Variants in FAM234A observed in about 807,000 individuals in gnomAD.
FAM234A encodes protein FAM234A.
FAM234A carries 42 observed loss-of-function variants against 49.1 expected under a neutral mutation model. That is an observed-to-expected ratio of 0.86 (90% CI 0.67 to 1.11). The LOEUF (loss-of-function observed/expected upper bound fraction) is 1.11, where lower values mean the gene tolerates loss of function less well. Ranked by LOEUF, FAM234A falls within the 50% of genes least tolerant of loss-of-function variation. FAM234A has a pLI of 0.00. For missense variants in FAM234A, 815 were observed against 745.2 expected (o/e 1.09, Z -1.09); for synonymous variants, 369 against 316.2 (o/e 1.17, Z -1.77).
In FAM234A at chr16:264,654, C is replaced by T. The variant is rs769091534; in HGVS notation, c.1385C>T (p.Pro462Leu). The change falls in exon 12 of 13, where the codon CCC becomes CTC. Residue 462 changes from proline (P) to leucine (L), a missense_variant. Physicochemically the swap from Pro to Leu is moderately conservative, Grantham distance 98. Coordinates refer to ENST00000399932, the MANE Select transcript of FAM234A (RefSeq NM_032039.4). ...CGGCACAGCCTGTACATGTTCCACC[C>T]CACCCTGCCGCGCGTGCTGCTGGAG... ...EARHSLYMFH[P>L]TLPRVLLELA... 3 of 1,611,968 alleles carry T rather than the reference C, an allele frequency of 1.9e-6. No individual in the cohort carries two copies. Among genetic ancestry groups the T allele is most frequent in the Middle Eastern group, 1.7e-4 (1 of 6,060 alleles).
intron 1 of FAM234A, among the ~76,000 whole-genome samples, chr16:237,071 A>ATT (rs35756138): frequency 6.7e-6 from 1 of 149,494 alleles, no homozygotes; most frequent in African/African-American, 2.5e-5. Context: ...TTATTTATGT[A>ATT]TTTTTTTAAA....
downstream of FAM234A, among the ~76,000 whole-genome samples, chr16:267,006 G>A (rs142762626): frequency 3.9e-5 from 6 of 152,222 alleles, no homozygotes; most frequent in African/African-American, 9.6e-5. Context: ...CTGAGAAGCC[G>A]GAGTTGAGGG....
At chr16:251,786 G>A (rs927116205) in intron 2 of FAM234A, among the ~76,000 whole-genome samples, 11 of 147,274 alleles carry the variant, frequency 7.5e-5, no homozygotes, top group Non-Finnish European at 1.6e-4. Context: ...GGTGGATCAC[G>A]AGGTCAGGAG....
intron 9 of FAM234A, 32 bp downstream of exon 9, chr16:263,434 C>T: frequency 1.2e-6 from 2 of 1,600,232 alleles, no homozygotes; most frequent in Non-Finnish European, 1.7e-6. Flanking sequence ...CGCGCAGGTG[C>T]TGCACCCCTT....
intron 6 of FAM234A, among the ~76,000 whole-genome samples, chr16:261,861 G>A (rs1301202566): frequency 6.6e-6 from 1 of 152,208 alleles, no homozygotes; most frequent in African/African-American, 2.4e-5. Flanking sequence ...ACCAACCATC[G>A]TGGCAGACTC....
At chr16:247,304 T>C (rs918259889) in intron 1 of FAM234A, among the ~76,000 whole-genome samples, 1 of 151,712 alleles carries the variant, frequency 6.6e-6, no homozygotes. Flanking sequence ...TGATTTTTTT[T>C]TTCTTTCTTT....
chr16:269,364 T>C, downstream of FAM234A: 1 of 1,603,460 alleles, frequency 6.2e-7, no homozygotes. Flanking sequence ...TGCCGTGGCC[T>C]CCACGTAAAC....
At chr16:263,427 G>A (rs373308152) in intron 9 of FAM234A, 25 bp downstream of exon 9, 50 of 1,602,840 alleles carry the variant, frequency 3.1e-5, no homozygotes, top group African/African-American at 8.0e-5. Flanking sequence ...CAAGGACCGC[G>A]CAGGTGCTGC....
intron 3 of FAM234A, among the ~76,000 whole-genome samples, chr16:258,751 C>T (rs1596825413): frequency 6.6e-6 from 1 of 152,328 alleles, no homozygotes; most frequent in East Asian, 1.9e-4. Flanking sequence ...GCGCCCCTCA[C>T]CTCCCGGAGG....
At position 264,237 on chromosome 16, in the gene FAM234A, A is replaced by G. The variant is rs2051603512; in HGVS notation, c.1344+66A>G. 10 of 1,470,098 alleles carry G rather than the reference A, an allele frequency of 6.8e-6. No homozygotes were observed. The East Asian group carries it at 2.4e-4, about 36-fold the overall frequency. 91.1% of individuals were successfully genotyped at this position (1,470,098 alleles called of 1,614,324 possible). A position where few individuals can be genotyped will look rare whatever the true frequency, so the allele number is the denominator to read the frequency against. ...GGCCAGAGACCCAGGCTGGAGCTCCACCGTGGAGTGCCCAGAAGCTCATCG... is the reference window on the plus strand; with the variant it reads ...GGCCAGAGACCCAGGCTGGAGCTCCGCCGTGGAGTGCCCAGAAGCTCATCG... On this transcript the variant is annotated intron_variant, in intron 11 of 12. Coordinates refer to ENST00000399932, the MANE Select transcript of FAM234A (RefSeq NM_032039.4).
intron 1 of FAM234A, among the ~76,000 whole-genome samples, chr16:239,767 C>T (rs1265618007): frequency 6.6e-6 from 1 of 152,174 alleles, no homozygotes; most frequent in Non-Finnish European, 1.5e-5. Context: ...TCGCCCTCAA[C>T]TTATTTTTAG....
intron 2 of FAM234A, 24 bp from the exon 3 acceptor site, chr16:254,357 C>G: frequency 6.3e-7 from 1 of 1,593,508 alleles, no homozygotes; most frequent in Non-Finnish European, 8.6e-7. Flanking sequence ...CTGGCCTCGC[C>G]GACCTCTTGC....
At chr16:256,032 G>A (rs984248573) in intron 3 of FAM234A, among the ~76,000 whole-genome samples, 17 of 152,204 alleles carry the variant, frequency 1.1e-4, no homozygotes, top group African/African-American at 3.1e-4. Flanking sequence ...TTAACTTAGC[G>A]TGATGTTTTG....
At position 265,004 on chromosome 16, in the gene FAM234A, G is replaced by T; in HGVS notation, c.1641G>T (p.Arg547=). 1 of 1,608,566 alleles carries T rather than the reference G, an allele frequency of 6.2e-7. No homozygotes were observed. Among genetic ancestry groups the T allele is most frequent in the Non-Finnish European group, 8.5e-7 (1 of 1,177,128 alleles). ...QAIRDRFSRL[R]YQSEA ...TCAGGGACCGGTTCTCCCGGCTGCG[G>T]TACCAGAGTGAGGCGTAGAGGCACG... Residue 547 remains arginine, a synonymous_variant, in exon 13 of 13, where the codon CGG becomes CGT. Transcript: ENST00000399932.
At chr16:254,967 C>T (rs144060052) in intron 3 of FAM234A, among the ~76,000 whole-genome samples, 113 of 152,268 alleles carry the variant, frequency 7.4e-4, no homozygotes, top group Middle Eastern at 6.8e-3. Context: ...GCGATTCTCC[C>T]GCCTCAGCCT....
chr16:264,540 G>A (rs575865837), intron 11 of FAM234A, 74 bp from the exon 12 acceptor site: 9 of 1,016,944 alleles, frequency 8.9e-6, no homozygotes, highest in Admixed American at 1.8e-5. Context: ...CTCCAGGCAC[G>A]GTCACTCTGA....
At chr16:246,081 G>T (rs1043989361) in intron 1 of FAM234A, among the ~76,000 whole-genome samples, 4 of 151,248 alleles carry the variant, frequency 2.6e-5, no homozygotes. Context: ...TGGGTGTGGT[G>T]GTGGGTGCCT....
Position 265,675 on chromosome 16 carries a change from TG to T in FAM234A, c.*656del, listed in dbSNP as rs1311788983. On this transcript the variant is annotated 3_prime_UTR_variant, in exon 13 of 13. Coordinates refer to ENST00000399932, the MANE Select transcript of FAM234A (RefSeq NM_032039.4). ...GGAGCAAGGGTCTCCCCCAGCAGGA[TG>T]GGTGGGGCCTGCTCTGGAGCTGAGC... The T allele has an allele frequency of 6.1e-6, 6 of 985,440 alleles. No individual in the cohort carries two copies. In the East Asian group the frequency reaches 5.7e-4, roughly 93 times the overall value. The allele number at this position is 985,440 out of a possible 1,614,324, so 61.0% of individuals were successfully genotyped here.
intron 5 of FAM234A, 34 bp from the exon 6 acceptor site, chr16:261,350 G>A (rs1367752059): frequency 2.5e-6 from 4 of 1,593,908 alleles, no homozygotes; most frequent in East Asian, 2.3e-5. Flanking sequence ...AGGGGACTCA[G>A]GGCCACGTTC....
Sources: allele counts gnomAD v4.1 joint callset (sites outside exome capture counted in the v4.1 genomes callset), GRCh38; gene constraint gnomAD v4.1.1; transcripts MANE v1.5; gene names NCBI Gene and HGNC (gene_info 2026-07-23, HGNC 2026-07-21).